Variants in CCDC141 observed in about 807,000 individuals in gnomAD.
CCDC141 encodes the protein coiled-coil domain-containing protein 141.
A neutral mutation model predicts 181.0 loss-of-function variants in CCDC141; 168 were observed. The ratio of observed to expected loss-of-function variants is 0.93; its 90% CI spans 0.82 to 1.05. The LOEUF (loss-of-function observed/expected upper bound fraction) is 1.05. Among genes scored for constraint, CCDC141 ranks in the 50% least tolerant of loss-of-function variants. CCDC141 has a pLI of 0.00. For synonymous variants in CCDC141, 666 were observed against 642.3 expected, an observed-to-expected ratio of 1.04 and a Z score of -0.56; for missense variants, 1,902 against 1,788.5, an observed-to-expected ratio of 1.06 and a Z score of -1.14.
At chr2:178,883,923 G>A (rs1358810135) in intron 11 of CCDC141, among the ~76,000 whole-genome samples, 1 of 152,082 alleles carries the variant, frequency 6.6e-6, no homozygotes, top group Admixed American at 6.6e-5. Context: ...GGTAACATAT[G>A]AAGACACATC....
chr2:178,853,698 G>T, intron 19 of CCDC141, 74 bp from the exon 20 acceptor site: 1 of 1,310,434 alleles, frequency 7.6e-7, no homozygotes, highest in Non-Finnish European at 1.0e-6. Flanking sequence ...GACCAGTGAA[G>T]TATCAAATTT....
At chr2:179,024,226 A>G (rs1402325922) in intron 2 of CCDC141, among the ~76,000 whole-genome samples, 1 of 152,220 alleles carries the variant, frequency 6.6e-6, no homozygotes, top group Non-Finnish European at 1.5e-5. Context: ...TAATAATTGA[A>G]TCTTCTTCAA....
chr2:178,905,495 C>T lies in CCDC141; in HGVS notation c.1099G>A (p.Asp367Asn). ...EFFNSANKAF[D>N]VLGRVEAYLK... ...TAAGCTTCAACTCTTCCAAGTACATCAAATGCCTGCCAAAGAAAACATACT... is the reference window on the plus strand; with the variant it reads ...TAAGCTTCAACTCTTCCAAGTACATTAAATGCCTGCCAAAGAAAACATACT... The change falls in exon 8 of 24, where the codon GAT becomes AAT. Residue 367 changes from aspartate to asparagine, a missense_variant. Coordinates refer to ENST00000443758, the MANE Select transcript of CCDC141 (RefSeq NM_173648.4). The T allele has an allele frequency of 6.5e-7, 1 of 1,542,050 alleles. No individual in the cohort carries two copies. The highest frequency in any genetic ancestry group is 1.2e-5 in the South Asian group (1 of 81,748).
At chr2:178,859,051 T>C (rs1685498107) in intron 17 of CCDC141, among the ~76,000 whole-genome samples, 1 of 152,228 alleles carries the variant, frequency 6.6e-6, no homozygotes, top group South Asian at 2.1e-4. Context: ...TGAAGATGAT[T>C]TATAAGGTCA....
At chr2:178,940,674 TA>T (rs1689472451) in intron 6 of CCDC141, among the ~76,000 whole-genome samples, 1 of 152,198 alleles carries the variant, frequency 6.6e-6, no homozygotes, top group African/African-American at 2.4e-5. Flanking sequence ...CAAAAAAACC[TA>T]AAAGGATGCT....
intron 7 of CCDC141, among the ~76,000 whole-genome samples, chr2:178,917,493 T>C (rs1288746385): frequency 1.3e-5 from 2 of 152,178 alleles, no homozygotes; most frequent in Non-Finnish European, 2.9e-5. Flanking sequence ...CACCAGGACA[T>C]TGTATTCAGG....
At chr2:178,994,499 G>A (rs538134423) in intron 2 of CCDC141, among the ~76,000 whole-genome samples, 16 of 152,286 alleles carry the variant, frequency 1.1e-4, no homozygotes, top group East Asian at 9.7e-4. Flanking sequence ...CCTGGCCCCC[G>A]AAACCACTTT....
At chr2:178,944,226 C>A (rs1194167371) in intron 6 of CCDC141, among the ~76,000 whole-genome samples, 1 of 152,112 alleles carries the variant, frequency 6.6e-6, no homozygotes, top group Non-Finnish European at 1.5e-5. Flanking sequence ...GAAAATAATA[C>A]CTCCCCCTTA....
chr2:178,924,407 G>A (rs1319767213), intron 6 of CCDC141, among the ~76,000 whole-genome samples: 2 of 151,924 alleles, frequency 1.3e-5, no homozygotes, highest in Non-Finnish European at 2.9e-5. Flanking sequence ...CAAAATCATA[G>A]AATTTTACAT....
At chr2:178,843,028 G>A (rs906342783) in intron 22 of CCDC141, among the ~76,000 whole-genome samples, 1 of 152,126 alleles carries the variant, frequency 6.6e-6, no homozygotes, top group African/African-American at 2.4e-5. Flanking sequence ...AGTCTGATAA[G>A]AGCACTCCAC....
At position 178,832,798 on chromosome 2, in the gene CCDC141, A is replaced by T. The variant is rs1561615018; in HGVS notation, c.*1375T>A. ...AAAATCTGTAATGAATTATTCTTTCAACTAAAGATTTTCCTCAGCATAATA... is the reference window on the plus strand; with the variant it reads ...AAAATCTGTAATGAATTATTCTTTCTACTAAAGATTTTCCTCAGCATAATA... On this transcript the variant is annotated 3_prime_UTR_variant, in exon 24 of 24. Transcript: ENST00000443758. 1 of 152,182 alleles carries T rather than the reference A, an allele frequency of 6.6e-6. No homozygotes were observed. The highest frequency in any genetic ancestry group is 1.5e-5 in the Non-Finnish European group (1 of 68,030). The allele number at this position is 152,182 out of a possible 1,614,324, so 9.4% of individuals were successfully genotyped here.
chr2:178,913,985 T>C (rs1225874024), intron 7 of CCDC141, among the ~76,000 whole-genome samples: 1 of 152,246 alleles, frequency 6.6e-6, no homozygotes, highest in African/African-American at 2.4e-5. Context: ...AAACATATTG[T>C]ATATTTATCT....
intron 2 of CCDC141, among the ~76,000 whole-genome samples, chr2:178,983,717 A>G (rs937370913): frequency 4.0e-5 from 6 of 151,848 alleles, no homozygotes; most frequent in Non-Finnish European, 5.9e-5. Context: ...GGGTATCAGC[A>G]ATGGAAGATG....
intron 4 of CCDC141, 88 bp downstream of exon 4, chr2:178,974,969 T>TAAA: frequency 3.4e-6 from 2 of 589,436 alleles, no homozygotes; most frequent in Non-Finnish European, 5.7e-6. Flanking sequence ...TAGATCAATT[T>TAAA]AAAATACACT....
At chr2:178,942,922 T>G (rs1223845717) in intron 6 of CCDC141, among the ~76,000 whole-genome samples, 1 of 152,180 alleles carries the variant, frequency 6.6e-6, no homozygotes, top group East Asian at 1.9e-4. Context: ...TTTATGGACA[T>G]CAGAGGTTGA....
intron 6 of CCDC141, among the ~76,000 whole-genome samples, chr2:178,932,240 ACT>A (rs776017490): frequency 6.6e-6 from 1 of 152,118 alleles, no homozygotes; most frequent in Non-Finnish European, 1.5e-5. Context: ...TTCACAACAA[ACT>A]CTGTAAATTA....
chr2:179,037,450 A>T (rs1266247231), intron 2 of CCDC141, among the ~76,000 whole-genome samples: 1 of 152,242 alleles, frequency 6.6e-6, no homozygotes, highest in Non-Finnish European at 1.5e-5. Context: ...GTTTCTTCAC[A>T]TTCACAACAC....
chr2:178,819,910 ATATAGAAC>A, the CCDC141 span, among the ~76,000 whole-genome samples: 1 of 152,304 alleles, frequency 6.6e-6, no homozygotes, highest in East Asian at 1.9e-4. Context: ...ACAGTTTTTT[ATATAGAAC>A]ATTTTCTGGT....
chr2:178,959,156 G>A (rs1379386470), intron 5 of CCDC141, among the ~76,000 whole-genome samples: 5 of 151,810 alleles, frequency 3.3e-5, no homozygotes, highest in African/African-American at 1.2e-4. Context: ...GGTGGGGGAA[G>A]GGGGGAGGGA....
Sources: allele counts gnomAD v4.1 joint callset (sites outside exome capture counted in the v4.1 genomes callset), GRCh38; gene constraint gnomAD v4.1.1; transcripts MANE v1.5; gene names NCBI Gene and HGNC (gene_info 2026-07-23, HGNC 2026-07-21).